The following ZNF333 variants were observed in gnomAD, a reference collection of about 807,000 sequenced individuals.
ZNF333 encodes zinc finger protein 333.
A neutral mutation model predicts 76.1 loss-of-function variants in ZNF333; 61 were observed. The observed-to-expected ratio is 0.80, with a 90% CI of 0.65 to 0.99. The LOEUF is 0.99. Among genes scored for constraint, ZNF333 ranks in the 50% least tolerant of loss-of-function variants. The pLI, the probability that ZNF333 is intolerant of heterozygous loss-of-function variation, is 0.00. For missense variants in ZNF333, 717 were observed against 822.4 expected, an observed-to-expected ratio of 0.87 and a Z score of 1.57; for synonymous variants, 284 against 305.0, an observed-to-expected ratio of 0.93 and a Z score of 0.72.
Position 14,699,292 on chromosome 19 carries a change from C to T in ZNF333, c.306+11C>T, listed in dbSNP as rs371331821. The T allele has an allele frequency of 4.1e-5, 66 of 1,612,108 alleles. 1 individual carries two copies. Among genetic ancestry groups the T allele is most frequent in the South Asian group, 3.7e-4 (34 of 91,002 alleles). ...AGGGACATGCAAATGGTAAGATGCA[C>T]GGGGTTTTCCCCGGCTCCCAGCATG... is the stretch of plus-strand genomic sequence containing the variant. On this transcript the variant is annotated intron_variant, in intron 5 of 11. Transcript: ENST00000292530.
chr19:14,705,205 G>A, intron 6 of ZNF333, 35 bp downstream of exon 6: 3 of 1,594,156 alleles, frequency 1.9e-6, no homozygotes, highest in Non-Finnish European at 1.7e-6. Context: ...GATGGCACCA[G>A]GTGCAGTCAG....
chr19:14,714,208 TG>T (rs1166593095), intron 7 of ZNF333, among the ~76,000 whole-genome samples: 2 of 151,686 alleles, frequency 1.3e-5, no homozygotes, highest in Non-Finnish European at 2.9e-5. Flanking sequence ...CAAAAAGACA[TG>T]CTGAAGTCCT....
exon 12 of ZNF333, chr19:14,733,348 A>G (rs781580325): frequency 7.9e-5 from 12 of 152,228 alleles, no homozygotes; most frequent in Non-Finnish European, 1.8e-4. Flanking sequence ...AAAAGCAGAC[A>G]GTAAAATGCA....
chr19:14,719,121 C>G lies in ZNF333; in HGVS notation c.1794C>G (p.Ala598=). 1 of 1,614,192 alleles carries G rather than the reference C, an allele frequency of 6.2e-7. No individual in the cohort carries two copies. ...ATGCATGCCAGGAATGCGGGCGAGC[C>G]TTTGGTCAGTCTTCACATCTTATTG... ...KPYACQECGR[A]FGQSSHLIVH... The change falls in exon 12 of 12, where the codon GCC becomes GCG. Residue 598 remains alanine (A), a synonymous_variant. Coordinates refer to ENST00000292530, the MANE Select transcript of ZNF333 (RefSeq NM_032433.4).
chr19:14,726,635 A>C (rs926287300), downstream of ZNF333, among the ~76,000 whole-genome samples: 1 of 152,158 alleles, frequency 6.6e-6, no homozygotes, highest in Non-Finnish European at 1.5e-5. Flanking sequence ...TTCTCCCACC[A>C]GACACTCTCT....
chr19:14,721,966 G>A (rs2042594285), downstream of ZNF333: 1 of 152,198 alleles, frequency 6.6e-6, no homozygotes, highest in Admixed American at 6.5e-5. Context: ...GGATTTTGGA[G>A]GAGACCTATC....
At chr19:14,717,226 C>T in intron 10 of ZNF333, 137 bp downstream of exon 10, 1 of 632,844 alleles carries the variant, frequency 1.6e-6, no homozygotes, top group Admixed American at 3.3e-5. Context: ...TATTAAATGC[C>T]ACCTTCTTTC....
At position 14,690,093 on chromosome 19, in the gene ZNF333, T is replaced by TGTGCG. The variant is rs1972629998; in HGVS notation, c.-98_-97insTGCGG. On this transcript the variant is annotated 5_prime_UTR_variant, in exon 1 of 12. Transcript: ENST00000292530. ...GCGGCCGACGGCGGCTGAGCTGTGC[T>TGTGCG]GCGCGGCGCGGCGCGGTGCGGCACG... 1.4e-5 allele frequency: 2 copies of TGTGCG among 147,744 alleles called. No individual in the cohort carries two copies. The highest frequency in any genetic ancestry group is 3.0e-5 in the Non-Finnish European group (2 of 67,300). 9.2% of individuals were successfully genotyped at this position (147,744 alleles called of 1,614,324 possible).
At position 14,695,576 on chromosome 19, in the gene ZNF333, A is replaced by T; in HGVS notation, c.138A>T (p.Pro46=). The T allele has an allele frequency of 6.2e-7, 1 of 1,614,148 alleles. No individual in the cohort carries two copies. Among genetic ancestry groups the T allele is most frequent in the Admixed American group, 1.7e-5 (1 of 60,022 alleles). ...TTTCTTCATGTGCAGGAACTCCACC[A>T]TGCAAACCCAGTTGTGTCTCCCAGC... is the stretch of plus-strand genomic sequence containing the variant. ...CRTLASRGTP[P]CKPSCVSQLG... is the part of the protein sequence containing the mutation. Residue 46 remains proline, a synonymous_variant, in exon 4 of 12, where the codon CCA becomes CCT. Transcript: ENST00000292530.
rs1335150560 is a variant in ZNF333, at chr19:14,695,121, C to G, written c.115C>G (p.Leu39Val). The G allele has an allele frequency of 1.2e-6, 2 of 1,613,432 alleles. No homozygotes were observed. Among genetic ancestry groups the G allele is most frequent in the African/African-American group, 2.7e-5 (2 of 74,920 alleles). ...KYRMLDQCRT[L>V]ASRGTPPCKP... ...CAGGATGCTTGACCAGTGCAGGACC[C>G]TGGCCTCCAGGGGTAAGGCTGGCGT... Residue 39 changes from leucine to valine, a missense_variant, in exon 3 of 12, where the codon CTG becomes GTG. Physicochemically the swap from Leu to Val is conservative, Grantham distance 32 (BLOSUM62 1). Transcript: ENST00000292530.
At chr19:14,704,944 C>T in intron 5 of ZNF333, 110 bp from the exon 6 acceptor site, 1 of 965,572 alleles carries the variant, frequency 1.0e-6, no homozygotes, top group African/African-American at 1.6e-5. Flanking sequence ...CACCCATCCC[C>T]ATTTGCCTTG....
In ZNF333 at chr19:14,718,512, C is replaced by T. The variant is rs745938245; in HGVS notation, c.1185C>T (p.Asp395=). 1.9e-6 allele frequency: 3 copies of T among 1,614,242 alleles called. No individual in the cohort carries two copies. The highest frequency in any genetic ancestry group is 4.5e-5 in the East Asian group (2 of 44,888). ...EKTHTAEKCF[D]CQECGQAFKY... ...CTCATACTGCAGAGAAGTGCTTTGA[C>T]TGTCAAGAATGTGGGCAAGCCTTCA... Residue 395 remains aspartate, a synonymous_variant, in exon 12 of 12, where the codon GAC becomes GAT. Transcript: ENST00000292530.
rs149742515 is a variant in ZNF333 at position 14,691,160 on chromosome 19, A to G, written c.-42+1010A>G. On this transcript the variant is annotated intron_variant, in intron 1 of 11. Transcript: ENST00000292530. ...TTGTTTTTGTTTTTCTTTATTTTCT[A>G]TGTTTGAGACGACTTTTACTTCTGC... Among the ~76,000 whole-genome samples the G allele has an allele frequency of 7.9e-4, 121 of 152,240 alleles. No homozygotes were observed. The East Asian group carries it at 0.02, about 25-fold the overall frequency.
chr19:14,716,948 G>T, intron 9 of ZNF333, 46 bp from the exon 10 acceptor site: 1 of 1,546,646 alleles, frequency 6.5e-7, no homozygotes, highest in Non-Finnish European at 8.8e-7. Context: ...TGGTGTCAGG[G>T]CATGGCACAG....
Position 14,718,606 on chromosome 19 carries a change from T to C in ZNF333, c.1279T>C (p.Cys427Arg). ...AGAGAAGCCATTTGAATGTAGTCAG[T>C]GTGGGAAAACCTTCACGAGGAACTT... ...TGEKPFECSQ[C>R]GKTFTRNFNL... Residue 427 changes from cysteine to arginine, a missense_variant, in exon 12 of 12, where the codon TGT becomes CGT. Transcript: ENST00000292530. 6.2e-7 allele frequency: 1 copy of C among 1,613,990 alleles called. No individual in the cohort carries two copies. Among genetic ancestry groups the C allele is most frequent in the Non-Finnish European group, 8.5e-7 (1 of 1,180,040 alleles).
intron 4 of ZNF333, among the ~76,000 whole-genome samples, 186 bp downstream of exon 4, chr19:14,695,847 C>G (rs41479645): frequency 0.26 from 39,710 of 152,096 alleles, 6,075 homozygotes; most frequent in South Asian, 0.52. Context: ...CTCCTACTTT[C>G]CTTTGGTTTC....
At position 14,719,420 on chromosome 19, in the gene ZNF333, A is replaced by C; in HGVS notation, c.*95A>C. On this transcript the variant is annotated 3_prime_UTR_variant, in exon 12 of 12. Coordinates refer to ENST00000292530, the MANE Select transcript of ZNF333 (RefSeq NM_032433.4). The stretch of plus-strand genomic sequence containing the variant: ...CTGTGTTTCAATGTATAATATTTTC[A>C]TTTTGGTTTAATTGTAAGTATTGTC... 1 of 1,348,482 alleles carries C rather than the reference A, an allele frequency of 7.4e-7. No individual in the cohort carries two copies. The highest frequency in any genetic ancestry group is 9.9e-7 in the Non-Finnish European group (1 of 1,011,422). 83.5% of individuals were successfully genotyped at this position (1,348,482 alleles called of 1,614,324 possible). A position where few individuals can be genotyped will look rare whatever the true frequency, so the allele number is the denominator to read the frequency against.
intron 7 of ZNF333, chr19:14,708,008 T>C: frequency 2.5e-6 from 1 of 399,992 alleles, no homozygotes; most frequent in African/African-American, 2.1e-5. Flanking sequence ...CTTCTTCTTT[T>C]TTTATTTTAT....
intron 2 of ZNF333, among the ~76,000 whole-genome samples, 154 bp downstream of exon 2, chr19:14,693,648 C>T (rs999357198): frequency 1.3e-5 from 2 of 152,146 alleles, no homozygotes; most frequent in South Asian, 4.1e-4. Context: ...CCTAGGGGAC[C>T]TAGGGACTTC....
Sources: allele counts gnomAD v4.1 joint callset (sites outside exome capture counted in the v4.1 genomes callset), GRCh38; gene constraint gnomAD v4.1.1; transcripts MANE v1.5; gene names NCBI Gene and HGNC (gene_info 2026-07-23, HGNC 2026-07-21).